PRLR: variants seen among roughly 807,000 people sequenced by gnomAD.
PRLR encodes the protein prolactin receptor.
PRLR carries 13 observed loss-of-function variants against 40.2 expected under a neutral mutation model. The observed-to-expected ratio is 0.32, with a 90% CI of 0.21 to 0.51. The LOEUF (loss-of-function observed/expected upper bound fraction) is 0.51, where lower values mean the gene tolerates loss of function less well. PRLR is among the 20% of genes least tolerant of loss of function. PRLR has a pLI of 0.97. For synonymous variants in PRLR, 269 were observed against 278.7 expected, an observed-to-expected ratio of 0.97 and a Z score of 0.35; for missense variants, 656 against 747.3, an observed-to-expected ratio of 0.88 and a Z score of 1.42.
intron 1 of PRLR, chr5:35,195,746 G>A (rs1775717689): frequency 1.3e-5 from 2 of 152,158 alleles, no homozygotes; most frequent in Non-Finnish European, 2.9e-5. Context: ...GTTAATAATT[G>A]ATCTGCATAT....
rs1282293654 is a variant in PRLR, at chr5:35,065,403, C to A, written c.1555G>T (p.Gly519Cys). The A allele has an allele frequency of 6.2e-7, 1 of 1,614,004 alleles. No individual in the cohort carries two copies. Among genetic ancestry groups the A allele is most frequent in the African/African-American group, 1.3e-5 (1 of 74,898 alleles). Residue 519 changes from glycine (G) to cysteine (C), a missense_variant, in exon 10 of 10, where the codon GGT becomes TGT. Around this residue, in one of 3 missense-constraint regions of PRLR, gnomAD observed 469 missense variants for 491.5 expected, o/e 0.95. Transcript: ENST00000618457. ...YVEIHKVNKD[G>C]ALSLLPKQRE... The stretch of plus-strand genomic sequence containing the variant: ...TGTTTTGGTAGCAATGATAATGCAC[C>A]ATCTTTGTTGACCTTGTGAATCTCC...
intron 2 of PRLR, among the ~76,000 whole-genome samples, chr5:35,116,150 C>A (rs1773004755): frequency 6.6e-6 from 1 of 151,896 alleles, no homozygotes; most frequent in Non-Finnish European, 1.5e-5. Flanking sequence ...CAGGGAAGAT[C>A]AATCAGAGGA....
intron 1 of PRLR, among the ~76,000 whole-genome samples, chr5:35,135,090 G>GT (rs771752166): frequency 0.021 from 2,643 of 125,648 alleles, 35 homozygotes; most frequent in Non-Finnish European, 0.03. Flanking sequence ...AGAGATTTGT[G>GT]TTTTTTTTTT....
intron 1 of PRLR, among the ~76,000 whole-genome samples, chr5:35,168,805 T>C (rs1335097875): frequency 6.6e-6 from 1 of 152,198 alleles, no homozygotes; most frequent in Non-Finnish European, 1.5e-5. Flanking sequence ...GGATTTCACA[T>C]ACTGCGAGTT....
At chr5:35,069,813 G>T (rs1769624860) in intron 7 of PRLR, among the ~76,000 whole-genome samples, 1 of 152,192 alleles carries the variant, frequency 6.6e-6, no homozygotes, top group Admixed American at 6.5e-5. Context: ...AGAACTAGAG[G>T]ATGACCTTGA....
At chr5:35,070,006 C>A in intron 7 of PRLR, 118 bp downstream of exon 7, 1 of 1,177,276 alleles carries the variant, frequency 8.5e-7, no homozygotes, top group Admixed American at 3.0e-5. Flanking sequence ...GATTATAAAC[C>A]CACCTCTATT....
chr5:35,144,123 CAA>C (rs34642253), intron 1 of PRLR, among the ~76,000 whole-genome samples: 5,764 of 109,084 alleles, frequency 0.053, 100 homozygotes, highest in Middle Eastern at 0.077. Context: ...AACAAGCTTC[CAA>C]AAAAAAAAAA....
intron 2 of PRLR, among the ~76,000 whole-genome samples, chr5:35,099,577 T>A (rs892662278): frequency 1.3e-5 from 2 of 152,306 alleles, no homozygotes; most frequent in South Asian, 2.1e-4. Flanking sequence ...CTCAGGCAGA[T>A]CCTTCAGGAG....
At chr5:35,206,224 T>C (rs1310348287) in intron 1 of PRLR, among the ~76,000 whole-genome samples, 1 of 152,120 alleles carries the variant, frequency 6.6e-6, no homozygotes, top group African/African-American at 2.4e-5. Context: ...AAACTGACAC[T>C]ATAGTAAACA....
At chr5:35,144,306 A>T (rs1419539155) in intron 1 of PRLR, among the ~76,000 whole-genome samples, 3 of 152,218 alleles carry the variant, frequency 2.0e-5, no homozygotes, top group Non-Finnish European at 4.4e-5. Flanking sequence ...AACATTCTAT[A>T]GTAACAGAAC....
At chr5:35,220,359 G>T (rs1337755899) in intron 1 of PRLR, among the ~76,000 whole-genome samples, 4 of 152,030 alleles carry the variant, frequency 2.6e-5, no homozygotes, top group Admixed American at 1.3e-4. Flanking sequence ...TTTTGCTGTT[G>T]TTCTTTCTGC....
At chr5:35,180,436 G>A (rs942497584) in intron 1 of PRLR, among the ~76,000 whole-genome samples, 1 of 152,052 alleles carries the variant, frequency 6.6e-6, no homozygotes, top group Non-Finnish European at 1.5e-5. Flanking sequence ...TCCTGCTTTG[G>A]CCATGTGACA....
chr5:35,147,377 T>A, intron 1 of PRLR, among the ~76,000 whole-genome samples: 1 of 152,196 alleles, frequency 6.6e-6, no homozygotes, highest in Non-Finnish European at 1.5e-5. Flanking sequence ...TATATTTCCA[T>A]CTCAAGAATT....
Position 35,063,664 on chromosome 5 carries a change from T to A in PRLR, c.*1425A>T, listed in dbSNP as rs1218618817. ...CCAAGATTTTGCAATTGAATTTACT[T>A]CAGAGAGACACTAACTCCTGGCTTT... On this transcript the variant is annotated 3_prime_UTR_variant, in exon 10 of 10. Coordinates refer to ENST00000618457, the MANE Select transcript of PRLR (RefSeq NM_000949.7). The A allele has an allele frequency of 2.6e-5, 4 of 152,224 alleles. No individual in the cohort carries two copies. The highest frequency in any genetic ancestry group is 5.9e-5 in the Non-Finnish European group (4 of 68,042). 9.4% of individuals were successfully genotyped at this position (152,224 alleles called of 1,614,324 possible).
chr5:35,114,277 T>A (rs1772876508), intron 2 of PRLR, among the ~76,000 whole-genome samples: 1 of 152,218 alleles, frequency 6.6e-6, no homozygotes, highest in African/African-American at 2.4e-5. Flanking sequence ...ATTTGGCATG[T>A]CTTTTCCTCT....
In PRLR at chr5:35,060,222, T is replaced by C. The variant is rs536812595; in HGVS notation, c.*4867A>G. 3 of 152,322 alleles carry C rather than the reference T, an allele frequency of 2.0e-5. No homozygotes were observed. The South Asian group carries it at 6.2e-4, about 32-fold the overall frequency. The allele number at this position is 152,322 out of a possible 1,614,324, so 9.4% of individuals were successfully genotyped here. On this transcript the variant is annotated 3_prime_UTR_variant, in exon 10 of 10. Transcript: ENST00000618457. ...GTCTTTTGCAGTGCCAAAGTCATTG[T>C]TGATGAATAATTTCATTTCTTGTGG...
At chr5:35,224,121 T>C (rs1229055174) in intron 1 of PRLR, among the ~76,000 whole-genome samples, 1 of 152,200 alleles carries the variant, frequency 6.6e-6, no homozygotes, top group Non-Finnish European at 1.5e-5. Context: ...AACATAGCGT[T>C]ACAATGCTGG....
At chr5:35,066,471 C>T (rs954026253) in intron 9 of PRLR, among the ~76,000 whole-genome samples, 1 of 152,170 alleles carries the variant, frequency 6.6e-6, no homozygotes, top group Non-Finnish European at 1.5e-5. Flanking sequence ...GGTGTGGTTG[C>T]TGGCCTGCTA....
intron 1 of PRLR, among the ~76,000 whole-genome samples, chr5:35,211,237 A>G (rs1172738468): frequency 5.3e-5 from 8 of 151,998 alleles, no homozygotes; most frequent in African/African-American, 1.9e-4. Flanking sequence ...GCACTTTCTC[A>G]ATTTCTCCCC....
Sources: gnomAD v4.1 joint callset for allele counts (sites outside exome capture counted in the v4.1 genomes callset) on GRCh38, gnomAD v4.1.1 for gene constraint, gnomAD v4.1.1 regional missense constraint, MANE v1.5 for transcripts, NCBI Gene and HGNC (gene_info 2026-07-23, HGNC 2026-07-21) for gene names.